The following COL25A1 variants were observed in gnomAD, a reference collection of about 807,000 sequenced individuals.
The protein encoded by COL25A1 is collagen type XXV alpha 1 chain, also known as collagen alpha-1(XXV) chain.
A neutral mutation model predicts 128.4 loss-of-function variants in COL25A1; 103 were observed. The ratio of observed to expected loss-of-function variants is 0.80; its 90% CI spans 0.68 to 0.94. The LOEUF (loss-of-function observed/expected upper bound fraction) is 0.94. COL25A1 is among the 40% of genes least tolerant of loss of function. The pLI is 0.00. For missense variants in COL25A1, 745 were observed against 840.0 expected (o/e 0.89, Z 1.40); for synonymous variants, 279 against 277.2 (o/e 1.01, Z -0.06).
At chr4:109,105,110 T>G (rs1766298139) in intron 3 of COL25A1, among the ~76,000 whole-genome samples, 1 of 152,126 alleles carries the variant, frequency 6.6e-6, no homozygotes. Context: ...TGGAGGCTAG[T>G]TGGGGATAAA....
At chr4:108,855,110 C>A (rs1166870211) in intron 24 of COL25A1, among the ~76,000 whole-genome samples, 1 of 151,358 alleles carries the variant, frequency 6.6e-6, no homozygotes, top group Non-Finnish European at 1.5e-5. Flanking sequence ...CAATTACATT[C>A]AAACTTGTAG....
At chr4:109,211,804 G>A (rs191522536) in intron 3 of COL25A1, among the ~76,000 whole-genome samples, 11 of 152,112 alleles carry the variant, frequency 7.2e-5, no homozygotes, top group Non-Finnish European at 1.6e-4. Flanking sequence ...AGATCCAACT[G>A]GAGCTTCCAC....
In COL25A1 at chr4:109,106,312, AT is replaced by A. The variant is rs369645188; in HGVS notation, c.368-56134del. ...AAATTTCTGTCCCAACTCCTCCTAA[AT>A]TGTCAACTTTCCCACCAACTACACT... On this transcript the variant is annotated intron_variant, in intron 3 of 37. Transcript: ENST00000399132. 1.7e-3 allele frequency among the ~76,000 whole-genome samples: 257 copies of A among 152,238 alleles called. 3 individuals are homozygous for A. The highest frequency in any genetic ancestry group is 0.014 in the Middle Eastern group (4 of 294).
intron 8 of COL25A1, among the ~76,000 whole-genome samples, chr4:108,962,665 A>G (rs1032629650): frequency 1.3e-5 from 2 of 152,186 alleles, no homozygotes; most frequent in Non-Finnish European, 2.9e-5. Context: ...CTTATAAAGC[A>G]TGATAAGAAT....
At chr4:108,920,768 G>A (rs1346065234) in intron 11 of COL25A1, among the ~76,000 whole-genome samples, 164 bp from the exon 12 acceptor site, 1 of 151,828 alleles carries the variant, frequency 6.6e-6, no homozygotes, top group African/African-American at 2.4e-5. Flanking sequence ...GAAGTTCCAA[G>A]TGGATCTTTT....
chr4:108,823,703 GTCACACTGCTTCTCCTCCATTTTCATA>G (rs1248320374), intron 35 of COL25A1, among the ~76,000 whole-genome samples: 3 of 152,116 alleles, frequency 2.0e-5, no homozygotes, highest in African/African-American at 7.2e-5. Flanking sequence ...TAGTTTATCA[GTCACACTGCTTCTCCTCCATTTTCATA>G]TAAAAAATAT....
Position 108,846,212 on chromosome 4 carries a change from T to C in COL25A1, c.1442A>G (p.Lys481Arg). The C allele has an allele frequency of 6.2e-7, 1 of 1,609,214 alleles. No individual in the cohort carries two copies. The highest frequency in any genetic ancestry group is 1.1e-5 in the South Asian group (1 of 90,966). Residue 481 changes from lysine (K) to arginine (R), a missense_variant, in exon 28 of 38, where the codon AAA becomes AGA. Coordinates refer to ENST00000399132, the MANE Select transcript of COL25A1 (RefSeq NM_198721.4). ...IPGMDGEQGL[K>R]GSKGDMGDPG... ...GTCCCCCATGTCTCCCTTTGAGCCT[T>C]TGAGTCCCTAAAAATGATAGACAAG...
rs775525569 is a variant in COL25A1 at position 109,111,062 on chromosome 4, C to CA, written c.368-60884dup. Among the ~76,000 whole-genome samples the CA allele has an allele frequency of 7.0e-4, 107 of 152,346 alleles. 1 individual carries two copies. In the Middle Eastern group the frequency reaches 0.017, roughly 24 times the overall value. On this transcript the variant is annotated intron_variant, in intron 3 of 37. Coordinates refer to ENST00000399132, the MANE Select transcript of COL25A1 (RefSeq NM_198721.4). ...ACCCCGTGTGGCACATGAGGCCCTT[C>CA]AAAATCTTTCTCTGGCCACTGTTCC... is the stretch of plus-strand genomic sequence containing the variant.
Position 108,863,374 on chromosome 4 carries a change from T to G in COL25A1, c.1097A>C (p.Glu366Ala). The change falls in exon 21 of 38, where the codon GAA becomes GCA. Residue 366 changes from glutamate (E) to alanine (A), a missense_variant. Glu to Ala is a moderately radical substitution (Grantham distance 107). Around this residue, in one of 3 missense-constraint regions of COL25A1, gnomAD observed 387 missense variants for 441.9 expected, o/e 0.88. Transcript: ENST00000399132. ...CTCACCTCTTCCAGGAGGCCCTGCTTCCCCCCGTTCACCCTGTCACAAATT... is the reference window on the plus strand; with the variant it reads ...CTCACCTCTTCCAGGAGGCCCTGCTGCCCCCCGTTCACCCTGTCACAAATT... ...GLPGTKGERGEAGPPGRGERG... is the reference protein window; with the variant it reads ...GLPGTKGERGAAGPPGRGERG... 1 of 1,613,584 alleles carries G rather than the reference T, an allele frequency of 6.2e-7. No individual in the cohort carries two copies. The highest frequency in any genetic ancestry group is 8.5e-7 in the Non-Finnish European group (1 of 1,179,846).
chr4:109,157,661 G>A (rs985607698), intron 3 of COL25A1, among the ~76,000 whole-genome samples: 1 of 152,162 alleles, frequency 6.6e-6, no homozygotes, highest in African/African-American at 2.4e-5. Context: ...TTTAAAGGTT[G>A]GCACAGTTTT....
intron 31 of COL25A1, among the ~76,000 whole-genome samples, chr4:108,835,635 A>G (rs1385360375): frequency 6.6e-6 from 1 of 151,790 alleles, no homozygotes; most frequent in Admixed American, 6.6e-5. Flanking sequence ...GCTCACTGCA[A>G]CCTCCACCTC....
intron 3 of COL25A1, among the ~76,000 whole-genome samples, chr4:109,080,105 C>T (rs780780272): frequency 1.2e-4 from 19 of 152,080 alleles, no homozygotes; most frequent in South Asian, 2.1e-4. Flanking sequence ...ATTAACAACA[C>T]GTAGCATAAG....
intron 3 of COL25A1, among the ~76,000 whole-genome samples, chr4:109,167,955 T>G (rs1773233668): frequency 6.6e-6 from 1 of 152,124 alleles, no homozygotes; most frequent in Non-Finnish European, 1.5e-5. Flanking sequence ...TTGGCCTCCA[T>G]TCATGTATTT....
intron 35 of COL25A1, among the ~76,000 whole-genome samples, chr4:108,821,285 C>T (rs777962307): frequency 1.4e-4 from 22 of 152,140 alleles, no homozygotes; most frequent in Admixed American, 7.2e-4. Context: ...TTCTCTGTGG[C>T]TTAGTTGATC....
chr4:108,902,919 G>A (rs1473740243), intron 13 of COL25A1, among the ~76,000 whole-genome samples: 1 of 151,938 alleles, frequency 6.6e-6, no homozygotes, highest in Non-Finnish European at 1.5e-5. Flanking sequence ...AAAGACCTAT[G>A]GAGTCTGCTT....
At chr4:109,261,247 G>A (rs549343198) in intron 3 of COL25A1, among the ~76,000 whole-genome samples, 72 of 152,232 alleles carry the variant, frequency 4.7e-4, no homozygotes, top group Middle Eastern at 6.8e-3. Flanking sequence ...ATTAGGCCAG[G>A]CACAGTAGCC....
intron 3 of COL25A1, among the ~76,000 whole-genome samples, chr4:109,156,508 T>G (rs1772048820): frequency 6.6e-6 from 1 of 152,222 alleles, no homozygotes; most frequent in African/African-American, 2.4e-5. Context: ...ATTTTAAATT[T>G]GGCTTCCCGT....
At chr4:109,019,567 C>T (rs1425186165) in intron 5 of COL25A1, among the ~76,000 whole-genome samples, 1 of 151,700 alleles carries the variant, frequency 6.6e-6, no homozygotes, top group Non-Finnish European at 1.5e-5. Flanking sequence ...ATGGTGGCAG[C>T]CGAGAGAGTG....
At chr4:109,292,470 T>C (rs1312299404) in intron 3 of COL25A1, among the ~76,000 whole-genome samples, 1 of 152,054 alleles carries the variant, frequency 6.6e-6, no homozygotes, top group Non-Finnish European at 1.5e-5. Flanking sequence ...ATCTTCATCA[T>C]AAACATCTTG....
Sources: gnomAD v4.1 joint callset for allele counts (sites outside exome capture counted in the v4.1 genomes callset) on GRCh38, gnomAD v4.1.1 for gene constraint, gnomAD v4.1.1 regional missense constraint, MANE v1.5 for transcripts, NCBI Gene and HGNC (gene_info 2026-07-23, HGNC 2026-07-21) for gene names.